The following LAPTM4B variants were observed in gnomAD, a reference collection of about 807,000 sequenced individuals.
LAPTM4B encodes lysosomal protein transmembrane 4 beta, also known as lysosomal-associated transmembrane protein 4B.
Under a neutral mutation model 28.5 loss-of-function variants are expected in LAPTM4B, and 26 were observed. That is an observed-to-expected ratio of 0.91 (90% CI 0.67 to 1.27). The LOEUF is 1.27. Among genes scored for constraint, LAPTM4B ranks in the 50% most tolerant of loss-of-function variants. The pLI is 0.00. For missense variants in LAPTM4B, 288 were observed against 285.8 expected (o/e 1.01, Z -0.06); for synonymous variants, 109 against 106.4 (o/e 1.02, Z -0.15).
At chr8:97,845,476 C>A (rs1817413967) in intron 6 of LAPTM4B, among the ~76,000 whole-genome samples, 1 of 152,074 alleles carries the variant, frequency 6.6e-6, no homozygotes, top group Non-Finnish European at 1.5e-5. Flanking sequence ...TTCATCAGTT[C>A]TCTTTCCTGA....
intron 5 of LAPTM4B, among the ~76,000 whole-genome samples, chr8:97,824,200 G>C (rs1817056961): frequency 6.6e-6 from 1 of 151,978 alleles, no homozygotes; most frequent in Non-Finnish European, 1.5e-5. Context: ...ACTATATGTA[G>C]AATACCTAGG....
intron 6 of LAPTM4B, among the ~76,000 whole-genome samples, chr8:97,843,129 G>A (rs1817377273): frequency 6.7e-6 from 1 of 148,742 alleles, no homozygotes; most frequent in Admixed American, 6.7e-5. Context: ...AATTCTCCCG[G>A]CTCTGCCTCC....
intron 1 of LAPTM4B, among the ~76,000 whole-genome samples, chr8:97,802,613 T>A (rs1461130394): frequency 6.6e-6 from 1 of 152,178 alleles, no homozygotes; most frequent in African/African-American, 2.4e-5. Context: ...TCTCATCCTG[T>A]GACTTAGAAG....
At chr8:97,787,316 G>C (rs1418147427) in intron 1 of LAPTM4B, among the ~76,000 whole-genome samples, 1 of 144,308 alleles carries the variant, frequency 6.9e-6, no homozygotes, top group African/African-American at 2.5e-5. Context: ...GACTGAGTCT[G>C]GCTCTGTTGC....
rs559303877 is a variant in LAPTM4B, at chr8:97,775,793, C to T, written c.-217C>T. The T allele has an allele frequency of 1.3e-6, 2 of 1,570,478 alleles. No individual in the cohort carries two copies. Among genetic ancestry groups the T allele is most frequent in the South Asian group, 1.1e-5 (1 of 88,502 alleles). Reference sequence around the variant, plus strand: ...GTCCGCCCCGCCCCCTCCCCGTCCCCGCCGCTGCAGCGGTCGCCTTCGGAG... The same window carrying T: ...GTCCGCCCCGCCCCCTCCCCGTCCCTGCCGCTGCAGCGGTCGCCTTCGGAG... On this transcript the variant is annotated 5_prime_UTR_variant, in exon 1 of 7. Transcript: ENST00000521545.
At chr8:97,778,398 C>A (rs1016516744) in intron 1 of LAPTM4B, among the ~76,000 whole-genome samples, 1 of 151,614 alleles carries the variant, frequency 6.6e-6, no homozygotes, top group African/African-American at 2.4e-5. Flanking sequence ...TGAATTGACT[C>A]TCCCTTAGCT....
intron 1 of LAPTM4B, among the ~76,000 whole-genome samples, chr8:97,778,630 C>G (rs933514589): frequency 8.5e-5 from 13 of 152,138 alleles, no homozygotes; most frequent in African/African-American, 1.9e-4. Flanking sequence ...CCCAAAGCCC[C>G]GCGTCTGTCA....
chr8:97,800,638 A>G (rs1325761355), intron 1 of LAPTM4B, among the ~76,000 whole-genome samples: 1 of 151,780 alleles, frequency 6.6e-6, no homozygotes, highest in African/African-American at 2.4e-5. Context: ...CTGGGATTAC[A>G]GGCATGCACC....
At chr8:97,832,624 G>T (rs1361641903) in intron 6 of LAPTM4B, among the ~76,000 whole-genome samples, 1 of 151,834 alleles carries the variant, frequency 6.6e-6, no homozygotes, top group Non-Finnish European at 1.5e-5. Flanking sequence ...AAATATCAGG[G>T]TAGACCACCA....
intron 5 of LAPTM4B, among the ~76,000 whole-genome samples, chr8:97,819,515 A>G (rs550591376): frequency 1.3e-5 from 2 of 152,296 alleles, no homozygotes; most frequent in South Asian, 4.1e-4. Context: ...GTCTGTTACA[A>G]GGTCTGTGTA....
chr8:97,789,372 C>T (rs918030074), intron 1 of LAPTM4B, among the ~76,000 whole-genome samples: 2 of 122,434 alleles, frequency 1.6e-5, no homozygotes, highest in Non-Finnish European at 3.7e-5. Flanking sequence ...CCACGCCTGG[C>T]CTGTTTTTTT....
intron 5 of LAPTM4B, 27 bp from the exon 6 acceptor site, chr8:97,825,031 A>T: frequency 7.5e-7 from 1 of 1,332,430 alleles, no homozygotes; most frequent in Non-Finnish European, 1.1e-6. Flanking sequence ...GAAAATTAAA[A>T]ATCTGATAAT....
chr8:97,831,800 T>C (rs1347620136), intron 6 of LAPTM4B, among the ~76,000 whole-genome samples: 2 of 152,126 alleles, frequency 1.3e-5, no homozygotes, highest in African/African-American at 4.8e-5. Context: ...TTTCGCTGTT[T>C]TGTGGGCGCA....
chr8:97,815,797 A>C (rs750441484), intron 3 of LAPTM4B, among the ~76,000 whole-genome samples: 1 of 152,026 alleles, frequency 6.6e-6, no homozygotes, highest in Non-Finnish European at 1.5e-5. Flanking sequence ...CGAACTCCTG[A>C]CCTTAAGTGA....
intron 1 of LAPTM4B, among the ~76,000 whole-genome samples, chr8:97,783,853 C>T (rs1816362215): frequency 6.6e-6 from 1 of 152,124 alleles, no homozygotes; most frequent in Non-Finnish European, 1.5e-5. Context: ...TTTGAGTTTT[C>T]TTATTTCTGT....
chr8:97,789,942 C>G (rs1033787888), intron 1 of LAPTM4B, among the ~76,000 whole-genome samples: 11 of 152,220 alleles, frequency 7.2e-5, no homozygotes, highest in Admixed American at 1.3e-4. Flanking sequence ...AAAGTTTTAG[C>G]TCCCACAAAT....
intron 5 of LAPTM4B, among the ~76,000 whole-genome samples, chr8:97,824,127 G>A (rs972781469): frequency 6.6e-6 from 1 of 152,078 alleles, no homozygotes; most frequent in African/African-American, 2.4e-5. Flanking sequence ...TAATGCTGCT[G>A]TGAACATTCA....
At chr8:97,790,858 A>G (rs1816485906) in intron 1 of LAPTM4B, among the ~76,000 whole-genome samples, 1 of 152,014 alleles carries the variant, frequency 6.6e-6, no homozygotes, top group South Asian at 2.1e-4. Flanking sequence ...TCGTGTCTCA[A>G]CTTCCCGAGT....
rs547210933 is a variant in LAPTM4B at position 97,795,793 on chromosome 8, C to T, written c.100-9560C>T. Among the ~76,000 whole-genome samples the T allele has an allele frequency of 6.6e-5, 10 of 151,190 alleles. No individual in the cohort carries two copies. The South Asian group carries it at 1.9e-3, about 29-fold the overall frequency. On this transcript the variant is annotated intron_variant, in intron 1 of 6. Transcript: ENST00000521545. ...GCTTGAACCCCAGAGGCCGAGATTG[C>T]CCCACTGCACTCCAGCCTCAGCGAC...
Sources: gnomAD v4.1 joint callset for allele counts (sites outside exome capture counted in the v4.1 genomes callset) on GRCh38, gnomAD v4.1.1 for gene constraint, MANE v1.5 for transcripts, NCBI Gene and HGNC (gene_info 2026-07-23, HGNC 2026-07-21) for gene names.